Variants in ABLIM2 observed in about 807,000 individuals in gnomAD.
The protein encoded by ABLIM2 is actin binding LIM protein family member 2.
ABLIM2 carries 53 observed loss-of-function variants against 97.7 expected under a neutral mutation model. The ratio of observed to expected loss-of-function variants is 0.54; its 90% CI spans 0.44 to 0.68. ABLIM2 has a LOEUF of 0.68. Among genes scored for constraint, ABLIM2 ranks in the 30% least tolerant of loss-of-function variants. The pLI, the probability that ABLIM2 is intolerant of heterozygous loss-of-function variation, is 0.00. For missense variants in ABLIM2, 835 were observed against 867.2 expected (o/e 0.96, Z 0.47); for synonymous variants, 361 against 345.8 (o/e 1.04, Z -0.49).
chr4:8,156,803 G>A (rs1466755388), intron 1 of ABLIM2, among the ~76,000 whole-genome samples: 3 of 152,244 alleles, frequency 2.0e-5, no homozygotes, highest in Non-Finnish European at 2.9e-5. Context: ...GTGGCCGGAC[G>A]TTAGAGCCCA....
chr4:8,061,013 G>A lies in ABLIM2; in HGVS notation c.717C>T (p.Val239=). ...KHYHPSCALC[V]RCGQMFAEGE... is the part of the protein sequence containing the mutation. ...CTTCTGCAAACATCTGGCCGCACCT[G>A]ACACATAGCGCGCAGGAAGGGTGGT... The change falls in exon 7 of 21, where the codon GTC becomes GTT. Residue 239 remains valine (V), a synonymous_variant. Coordinates refer to ENST00000447017, the MANE Select transcript of ABLIM2 (RefSeq NM_001130083.2). This position sits in a 1 kb window ranked among gnomAD's most constrained non-coding sequence, Gnocchi z 4.5. 2 of 1,599,660 alleles carry A rather than the reference G, an allele frequency of 1.3e-6. No individual in the cohort carries two copies. The highest frequency in any genetic ancestry group is 1.7e-6 in the Non-Finnish European group (2 of 1,173,058).
intron 6 of ABLIM2, among the ~76,000 whole-genome samples, chr4:8,070,153 CTGTG>C (rs1478648316): frequency 6.6e-6 from 1 of 150,852 alleles, no homozygotes; most frequent in Non-Finnish European, 1.5e-5. Flanking sequence ...GTGTGTACGT[CTGTG>C]TGTGTATGTG....
At chr4:8,146,889 G>A (rs1218082679) in intron 1 of ABLIM2, among the ~76,000 whole-genome samples, 1 of 151,570 alleles carries the variant, frequency 6.6e-6, no homozygotes, top group Admixed American at 6.6e-5. Flanking sequence ...GAAATATAAT[G>A]CACATAAGCA....
chr4:8,039,260 C>A (rs571807031), intron 9 of ABLIM2, among the ~76,000 whole-genome samples: 1 of 152,180 alleles, frequency 6.6e-6, no homozygotes, highest in Non-Finnish European at 1.5e-5. Context: ...CCCTTCCCCA[C>A]CTCCGTCCCC....
In ABLIM2 at chr4:8,077,571, AG is replaced by A. The variant is rs201579005; in HGVS notation, c.675+56del. 2.1e-3 allele frequency: 3,022 copies of A among 1,470,720 alleles called. 34 individuals carry two copies. The African/African-American group carries it at 0.027, about 13-fold the overall frequency. 91.1% of individuals were successfully genotyped at this position (1,470,720 alleles called of 1,614,324 possible). A position where few individuals can be genotyped will look rare whatever the true frequency, so the allele number is the denominator to read the frequency against. Reference sequence around the variant, plus strand: ...CACACAAATCTCCCAGTCAACTCCCAGGGGGGCAGTTAGGCCCTAGCTCAGA... The same window carrying A: ...CACACAAATCTCCCAGTCAACTCCCAGGGGGCAGTTAGGCCCTAGCTCAGA... On this transcript the variant is annotated intron_variant, in intron 6 of 20. Transcript: ENST00000447017.
At chr4:8,031,565 A>G (rs1385839435) in intron 10 of ABLIM2, among the ~76,000 whole-genome samples, 1 of 152,150 alleles carries the variant, frequency 6.6e-6, no homozygotes, top group African/African-American at 2.4e-5. Context: ...GGGTGAGCAT[A>G]GGCTCTGAGC....
intron 1 of ABLIM2, among the ~76,000 whole-genome samples, chr4:8,145,698 C>T (rs1481242531): frequency 6.6e-6 from 1 of 151,744 alleles, no homozygotes; most frequent in Admixed American, 6.6e-5. Flanking sequence ...GCAGAACTCC[C>T]TCTCTTTTAT....
At position 8,019,578 on chromosome 4, in the gene ABLIM2, T is replaced by C. The variant is rs1772034542; in HGVS notation, c.1423+40A>G. 1.9e-6 allele frequency: 3 copies of C among 1,582,410 alleles called. No homozygotes were observed. The highest frequency in any genetic ancestry group is 2.6e-6 in the Non-Finnish European group (3 of 1,160,384). On this transcript the variant is annotated intron_variant, in intron 14 of 20. Coordinates refer to ENST00000447017, the MANE Select transcript of ABLIM2 (RefSeq NM_001130083.2). The surrounding 1 kb of genome is among the most constrained non-coding windows in gnomAD (Gnocchi z 4.3). ...AGAAGCAGATGGGTATTGACAGGCA[T>C]GCGGGGCAAACCACAGCAGCGGGAG...
chr4:8,128,477 C>A lies in ABLIM2; in HGVS notation c.11-21840G>T, dbSNP rs1848818289. Among the ~76,000 whole-genome samples the A allele has an allele frequency of 6.6e-6, 1 of 152,208 alleles. No individual in the cohort carries two copies. Among genetic ancestry groups the A allele is most frequent in the Non-Finnish European group, 1.5e-5 (1 of 68,034 alleles). ...ATACCGAAACATGGCTAGCACCACG[C>A]AGAACAGAGTTTTAGATTTTATTTA... On this transcript the variant is annotated intron_variant, in intron 1 of 20. Coordinates refer to ENST00000447017, the MANE Select transcript of ABLIM2 (RefSeq NM_001130083.2). This position sits in a 1 kb window ranked among gnomAD's most constrained non-coding sequence, Gnocchi z 4.9.
rs2152861907 is a variant in ABLIM2, at chr4:8,120,260, GC to G, written c.11-13624del. Among the ~76,000 whole-genome samples, 1 of 152,294 alleles carries G rather than the reference GC, an allele frequency of 6.6e-6. No individual in the cohort carries two copies. Among genetic ancestry groups the G allele is most frequent in the African/African-American group, 2.4e-5 (1 of 41,572 alleles). On this transcript the variant is annotated intron_variant, in intron 1 of 20. Transcript: ENST00000447017. This position sits in a 1 kb window ranked among gnomAD's most constrained non-coding sequence, Gnocchi z 5.6. ...GTGGGCTGAACCGGGACCCCCAGAT[GC>G]CCACGTTGAAGTCCTAACCCCCGGA... is the stretch of plus-strand genomic sequence containing the variant.
In ABLIM2 at chr4:8,124,042, G is replaced by A. The variant is rs547234367; in HGVS notation, c.11-17405C>T. Among the ~76,000 whole-genome samples, 1 of 152,182 alleles carries A rather than the reference G, an allele frequency of 6.6e-6. No individual in the cohort carries two copies. The highest frequency in any genetic ancestry group is 1.5e-5 in the Non-Finnish European group (1 of 68,052). ...TGAGACGACCACTCTTAACAGCTCA[G>A]CGGCTGCTCTACCATGTGCTTCTGT... On this transcript the variant is annotated intron_variant, in intron 1 of 20. Transcript: ENST00000447017. This position sits in a 1 kb window ranked among gnomAD's most constrained non-coding sequence, Gnocchi z 6.1.
intron 1 of ABLIM2, among the ~76,000 whole-genome samples, chr4:8,138,315 G>A (rs1850466562): frequency 6.6e-6 from 1 of 151,804 alleles, no homozygotes; most frequent in Non-Finnish European, 1.5e-5. Context: ...TGGTTAAAAT[G>A]GTAAATTTTA....
At chr4:8,153,052 T>C (rs1220527404) in intron 1 of ABLIM2, among the ~76,000 whole-genome samples, 1 of 151,996 alleles carries the variant, frequency 6.6e-6, no homozygotes, top group Non-Finnish European at 1.5e-5. Context: ...GGCTCTGGGG[T>C]TGGTTGATGG....
At chr4:8,104,520 C>T (rs1237909402) in intron 2 of ABLIM2, among the ~76,000 whole-genome samples, 1 of 152,180 alleles carries the variant, frequency 6.6e-6, no homozygotes, top group Admixed American at 6.5e-5. Flanking sequence ...TCAAGTGCCC[C>T]CGGTGATGTC....
At chr4:8,007,265 C>A in intron 16 of ABLIM2, 1 of 985,404 alleles carries the variant, frequency 1.0e-6, no homozygotes. Flanking sequence ...GCGCCCATCA[C>A]ACGACGGGTC....
In ABLIM2 at chr4:8,067,698, T is replaced by G. The variant is rs1482512088; in HGVS notation, c.676-6644A>C. The G allele has an allele frequency of 6.6e-6, 1 of 152,222 alleles. No homozygotes were observed. Among genetic ancestry groups the G allele is most frequent in the Non-Finnish European group, 1.5e-5 (1 of 68,040 alleles). 9.4% of individuals were successfully genotyped at this position (152,222 alleles called of 1,614,324 possible). A position where few individuals can be genotyped will look rare whatever the true frequency, so the allele number is the denominator to read the frequency against. On this transcript the variant is annotated intron_variant, in intron 6 of 20. Coordinates refer to ENST00000447017, the MANE Select transcript of ABLIM2 (RefSeq NM_001130083.2). The surrounding 1 kb of genome is among the most constrained non-coding windows in gnomAD (Gnocchi z 5.4). ...GGGGCCGTCAAGTGGACGGAGCAAA[T>G]GTGCCTGCCGGTGCTCAGGCCTGTC...
chr4:7,974,816 C>T (rs948958047), intron 20 of ABLIM2, among the ~76,000 whole-genome samples: 20 of 152,224 alleles, frequency 1.3e-4, no homozygotes, highest in African/African-American at 4.6e-4. Context: ...ACCATCCATC[C>T]ACCTAATGGT....
At chr4:8,097,045 G>C (rs762992234) in intron 3 of ABLIM2, 54 bp downstream of exon 3, 79 of 1,537,916 alleles carry the variant, frequency 5.1e-5, no homozygotes, top group Non-Finnish European at 6.8e-5. Context: ...GGGAGGGAAG[G>C]AGAAAAGGCC....
chr4:8,003,037 G>T lies in ABLIM2; in HGVS notation c.1618+5022C>A, dbSNP rs1758308019. ...CCCCTAGTAGAATGTCGGCTCCCCA[G>T]ACAGGGAACTTTGTCTGTTTTGGCC... On this transcript the variant is annotated intron_variant, in intron 16 of 20. Transcript: ENST00000447017. This position sits in a 1 kb window ranked among gnomAD's most constrained non-coding sequence, Gnocchi z 4.2. Among the ~76,000 whole-genome samples the T allele has an allele frequency of 6.6e-6, 1 of 152,118 alleles. No homozygotes were observed. Among genetic ancestry groups the T allele is most frequent in the Non-Finnish European group, 1.5e-5 (1 of 68,032 alleles).
Sources: allele counts gnomAD v4.1 joint callset (sites outside exome capture counted in the v4.1 genomes callset), GRCh38; gene constraint gnomAD v4.1.1; non-coding constraint Gnocchi (gnomAD v3.1); transcripts MANE v1.5; gene names NCBI Gene and HGNC (gene_info 2026-07-23, HGNC 2026-07-21).